TRAK1: variants seen among roughly 807,000 people sequenced by gnomAD.
The protein encoded by TRAK1 is trafficking kinesin-binding protein 1.
TRAK1 carries 33 observed loss-of-function variants against 92.1 expected under a neutral mutation model. The observed-to-expected ratio is 0.36, with a 90% CI of 0.27 to 0.48. TRAK1 has a LOEUF of 0.48. Ranked by LOEUF, TRAK1 falls within the 20% of genes least tolerant of loss-of-function variation. The pLI is 0.99. For synonymous variants in TRAK1, 521 were observed against 517.3 expected (o/e 1.01, Z -0.10); for missense variants, 1,123 against 1,257.9 (o/e 0.89, Z 1.62).
intron 1 of TRAK1, among the ~76,000 whole-genome samples, chr3:42,063,318 G>A (rs1703530010): frequency 6.6e-6 from 1 of 152,248 alleles, no homozygotes; most frequent in Non-Finnish European, 1.5e-5. Flanking sequence ...GGAGCATCCG[G>A]GTTTTGTCTG....
chr3:42,181,805 A>C (rs1283972035), intron 3 of TRAK1, among the ~76,000 whole-genome samples: 1 of 152,170 alleles, frequency 6.6e-6, no homozygotes, highest in Non-Finnish European at 1.5e-5. Flanking sequence ...ACCTGAAACC[A>C]CTTGGACTAG....
intron 1 of TRAK1, among the ~76,000 whole-genome samples, chr3:42,052,053 C>CAG (rs1188675688): frequency 1.3e-5 from 2 of 152,194 alleles, no homozygotes; most frequent in Admixed American, 6.5e-5. Flanking sequence ...CAGACTCCAT[C>CAG]AGAAGCAAGG....
chr3:42,075,778 T>G (rs189815663), intron 1 of TRAK1, among the ~76,000 whole-genome samples: 1 of 152,218 alleles, frequency 6.6e-6, no homozygotes, highest in Non-Finnish European at 1.5e-5. Flanking sequence ...TTTTTGGCCA[T>G]GTGTATGTCT....
chr3:42,075,322 C>CA (rs1168039973), intron 1 of TRAK1, among the ~76,000 whole-genome samples: 1 of 105,716 alleles, frequency 9.5e-6, no homozygotes, highest in Non-Finnish European at 1.7e-5. Context: ...GCTTGGGTGA[C>CA]AGAGTGAGAC....
chr3:42,166,509 G>A (rs1433156946), intron 2 of TRAK1, among the ~76,000 whole-genome samples: 1 of 152,212 alleles, frequency 6.6e-6, no homozygotes, highest in Non-Finnish European at 1.5e-5. Flanking sequence ...CCTTGGACGA[G>A]CCACTGGCCT....
chr3:42,013,587 G>A (rs529977705), upstream of TRAK1, among the ~76,000 whole-genome samples: 4 of 150,444 alleles, frequency 2.7e-5, no homozygotes, highest in South Asian at 8.3e-4. The surrounding 1 kb of genome is among the most constrained non-coding windows in gnomAD (Gnocchi z 5.1). Flanking sequence ...GGAAGGGGGA[G>A]GGCTCGGCGC....
chr3:42,187,384 AT>A (rs1308743145), intron 4 of TRAK1, among the ~76,000 whole-genome samples: 2 of 152,210 alleles, frequency 1.3e-5, no homozygotes, highest in Non-Finnish European at 2.9e-5. Flanking sequence ...ATTTAGTAAC[AT>A]GATCAATTTT....
chr3:42,067,805 T>TA (rs1672790425), intron 1 of TRAK1, among the ~76,000 whole-genome samples: 2 of 24,768 alleles, frequency 8.1e-5, no homozygotes, highest in African/African-American at 1.7e-4. Flanking sequence ...ATCACGTAGT[T>TA]AGTTTTTTTT....
chr3:42,089,536 C>G (rs1704875445), upstream of TRAK1, among the ~76,000 whole-genome samples: 1 of 152,166 alleles, frequency 6.6e-6, no homozygotes, highest in Admixed American at 6.5e-5. Flanking sequence ...CTCCGTGCTC[C>G]AGGTACACTG....
intron 2 of TRAK1, among the ~76,000 whole-genome samples, chr3:42,125,876 A>C (rs898030332): frequency 4.6e-5 from 7 of 152,156 alleles, no homozygotes; most frequent in Admixed American, 3.9e-4. Flanking sequence ...TTTGAGATGG[A>C]GTCTAGCTCT....
intron 9 of TRAK1, 129 bp from the exon 10 acceptor site, chr3:42,194,675 C>T: frequency 1.8e-6 from 2 of 1,090,578 alleles, no homozygotes; most frequent in African/African-American, 3.1e-5. Flanking sequence ...CACAGGCGCA[C>T]AGGGCAGCTG....
chr3:42,191,355 T>C (rs1705705750), intron 6 of TRAK1, among the ~76,000 whole-genome samples: 2 of 152,110 alleles, frequency 1.3e-5, no homozygotes, highest in Admixed American at 6.5e-5. Flanking sequence ...GTTTTTCAGG[T>C]TTTCAGCTTT....
chr3:42,120,188 C>T (rs2149114915), intron 1 of TRAK1, among the ~76,000 whole-genome samples: 1 of 152,280 alleles, frequency 6.6e-6, no homozygotes, highest in South Asian at 2.1e-4. Flanking sequence ...TGAGCCTGGC[C>T]TTTTGATGGT....
chr3:42,048,566 CTTTTT>C (rs373744402), intron 1 of TRAK1, among the ~76,000 whole-genome samples: 1 of 136,544 alleles, frequency 7.3e-6, no homozygotes, highest in African/African-American at 2.7e-5. Context: ...CAGTTCTTTT[CTTTTT>C]TTTTTTTTTT....
chr3:42,149,226 G>C (rs1177168315), intron 2 of TRAK1: 21 of 1,225,824 alleles, frequency 1.7e-5, no homozygotes, highest in Admixed American at 4.0e-5. Context: ...GACGATCCTG[G>C]CTACTCCCAT....
chr3:42,210,041 G>C (rs753886299), intron 14 of TRAK1, 56 bp downstream of exon 14: 5 of 1,613,966 alleles, frequency 3.1e-6, no homozygotes, highest in Non-Finnish European at 4.2e-6. Flanking sequence ...ACCCGAGCCG[G>C]CCTCAGGCTT....
At chr3:42,015,012 G>A (rs1342628364) in intron 1 of TRAK1, among the ~76,000 whole-genome samples, 2 of 152,184 alleles carry the variant, frequency 1.3e-5, no homozygotes, top group Non-Finnish European at 1.5e-5. Context: ...GAGCAGCGAA[G>A]AGGAAGGTGC....
Position 42,091,558 on chromosome 3 carries a change from G to T in TRAK1, c.89G>T (p.Cys30Phe), listed in dbSNP as rs752027422. 6.2e-7 allele frequency: 1 copy of T among 1,611,380 alleles called. No homozygotes were observed. The highest frequency in any genetic ancestry group is 1.1e-5 in the South Asian group (1 of 90,712). ...GGCAAGCTCATTCGGACAAACGCCT[G>T]TGGTAAGTTTGTTTGCCAGGTCTGT... ...CHGKLIRTNACDVCNSTDLPE... is the reference protein window; with the variant it reads ...CHGKLIRTNAFDVCNSTDLPE... The change falls in exon 1 of 16, where the codon TGT becomes TTT. Residue 30 changes from cysteine to phenylalanine, a missense_variant and splice_region_variant. Cys to Phe is a radical substitution (Grantham distance 205). Transcript: ENST00000327628.
In TRAK1 at chr3:42,196,843, T is replaced by C. The variant is rs190785046; in HGVS notation, c.1113+1902T>C. 5.3e-3 allele frequency among the ~76,000 whole-genome samples: 805 copies of C among 152,102 alleles called. 15 individuals are homozygous for C. Among genetic ancestry groups the C allele is most frequent in the African/African-American group, 0.018 (766 of 41,498 alleles). On this transcript the variant is annotated intron_variant, in intron 10 of 15. Coordinates refer to ENST00000327628, the MANE Select transcript of TRAK1 (RefSeq NM_001042646.3). ...GATTACAGGCATGAGCCGCCGCGCC[T>C]GGCCCTATGGCACATTTCAGTTGTT...
Sources: allele counts gnomAD v4.1 joint callset (sites outside exome capture counted in the v4.1 genomes callset), GRCh38; gene constraint gnomAD v4.1.1; non-coding constraint Gnocchi (gnomAD v3.1); transcripts MANE v1.5; gene names NCBI Gene and HGNC (gene_info 2026-07-23, HGNC 2026-07-21).